The following PTTG1IP2 variants were observed in gnomAD, a reference collection of about 807,000 sequenced individuals.
The protein encoded by PTTG1IP2 is PTTG1IP family member 2.
chr7:90,502,281 G>C (rs963509741), intron 6 of PTTG1IP2, among the ~76,000 whole-genome samples: 1 of 152,200 alleles, frequency 6.6e-6, no homozygotes, highest in African/African-American at 2.4e-5. Flanking sequence ...CCAAGTAGCT[G>C]GGATTATAGG....
intron 2 of PTTG1IP2, among the ~76,000 whole-genome samples, chr7:90,486,377 T>C (rs2116072525): frequency 1.2e-5 from 1 of 86,410 alleles, no homozygotes; most frequent in South Asian, 3.4e-4. Context: ...ATGAAGTGAG[T>C]GGATATATAT....
At chr7:90,497,038 G>T (rs545329582) in intron 6 of PTTG1IP2, among the ~76,000 whole-genome samples, 76 of 152,120 alleles carry the variant, frequency 5.0e-4, no homozygotes, top group African/African-American at 1.7e-3. Context: ...ATATCATCAC[G>T]GTCAGAAAAG....
At chr7:90,508,577 C>G (rs1426600388) in intron 6 of PTTG1IP2, among the ~76,000 whole-genome samples, 1 of 152,170 alleles carries the variant, frequency 6.6e-6, no homozygotes, top group Non-Finnish European at 1.5e-5. Flanking sequence ...CTGCTATTCA[C>G]TTACAGTATA....
intron 6 of PTTG1IP2, among the ~76,000 whole-genome samples, chr7:90,500,509 T>C (rs781077828): frequency 6.6e-6 from 1 of 152,102 alleles, no homozygotes; most frequent in South Asian, 2.1e-4. Context: ...AGAACTAGGC[T>C]CCAACGCAGA....
intron 1 of PTTG1IP2, among the ~76,000 whole-genome samples, chr7:90,478,070 C>A (rs1337646497): frequency 2.3e-4 from 30 of 131,512 alleles, no homozygotes; most frequent in African/African-American, 8.4e-4. Context: ...GCATTCCAGC[C>A]TGGGTGACAG....
rs1001780331 is a variant in PTTG1IP2, at chr7:90,491,587, C to T, written c.381-652C>T. Among the ~76,000 whole-genome samples, 11 of 150,790 alleles carry T rather than the reference C, an allele frequency of 7.3e-5. No individual in the cohort carries two copies. In the East Asian group the frequency reaches 2.2e-3, roughly 30 times the overall value. On this transcript the variant is annotated intron_variant, in intron 4 of 6. Coordinates refer to ENST00000509356, the MANE Select transcript of PTTG1IP2 (RefSeq NM_001365443.2). ...GCAGTGAGCTGAGATCACACCACTG[C>T]ACCCCAGCCCGGGTGACATAGCGAG...
In PTTG1IP2 at chr7:90,494,954, G is replaced by C. The variant is rs367969158; in HGVS notation, c.*50+524G>C. Among the ~76,000 whole-genome samples the C allele has an allele frequency of 2.6e-4, 40 of 152,242 alleles. No homozygotes were observed. In the East Asian group the frequency reaches 3.1e-3, roughly 12 times the overall value. ...GAGCTCAAGAGTTGGAGGCTGTAGT[G>C]AGTTATGATTGCGCTACTGCATTTC... On this transcript the variant is annotated intron_variant, in intron 6 of 6. Coordinates refer to ENST00000509356, the MANE Select transcript of PTTG1IP2 (RefSeq NM_001365443.2).
intron 2 of PTTG1IP2, among the ~76,000 whole-genome samples, chr7:90,485,507 G>T (rs1045348299): frequency 2.0e-5 from 3 of 152,114 alleles, no homozygotes; most frequent in Non-Finnish European, 4.4e-5. Flanking sequence ...GAGAAAGCCG[G>T]ATAACAACAG....
chr7:90,511,071 A>G (rs1798184558), intron 6 of PTTG1IP2, among the ~76,000 whole-genome samples: 1 of 145,198 alleles, frequency 6.9e-6, no homozygotes, highest in Non-Finnish European at 1.5e-5. Context: ...GAGGGCAAGG[A>G]CAGTATTTTT....
At chr7:90,492,147 TAAAA>T (rs1010024487) in intron 4 of PTTG1IP2, 88 bp from the exon 5 acceptor site, 1 of 151,870 alleles carries the variant, frequency 6.6e-6, no homozygotes, top group African/African-American at 2.4e-5. Context: ...AATAAAAAAA[TAAAA>T]AAAGTAGTCT....
intron 6 of PTTG1IP2, among the ~76,000 whole-genome samples, chr7:90,501,612 G>A (rs1798062253): frequency 6.6e-6 from 1 of 152,198 alleles, no homozygotes; most frequent in South Asian, 2.1e-4. Flanking sequence ...TGAGGCTGCA[G>A]TGAGCTCTGA....
intron 1 of PTTG1IP2, among the ~76,000 whole-genome samples, chr7:90,475,910 C>A: frequency 6.7e-6 from 1 of 148,882 alleles, no homozygotes. Flanking sequence ...CACTGCACTC[C>A]AGCTTGGTGA....
intron 6 of PTTG1IP2, among the ~76,000 whole-genome samples, chr7:90,505,658 C>A (rs978521892): frequency 6.6e-6 from 1 of 152,078 alleles, no homozygotes; most frequent in Admixed American, 6.6e-5. Context: ...ATGATTGTTG[C>A]CTGAAATGTC....
At chr7:90,498,058 C>T (rs1220923717) in intron 6 of PTTG1IP2, among the ~76,000 whole-genome samples, 1 of 151,630 alleles carries the variant, frequency 6.6e-6, no homozygotes, top group African/African-American at 2.4e-5. Context: ...TGGAGTCTCG[C>T]TCTGTTGCCC....
chr7:90,510,520 C>T (rs1798176208), intron 6 of PTTG1IP2, among the ~76,000 whole-genome samples: 1 of 152,064 alleles, frequency 6.6e-6, no homozygotes, highest in African/African-American at 2.4e-5. Flanking sequence ...TGTGTGCACG[C>T]ACATGCATGC....
chr7:90,498,811 C>T (rs1387687896), intron 6 of PTTG1IP2, among the ~76,000 whole-genome samples: 2 of 152,060 alleles, frequency 1.3e-5, no homozygotes, highest in Admixed American at 6.6e-5. Flanking sequence ...AACTTCTCTC[C>T]ACCTCTTATT....
chr7:90,470,516 C>T (rs1324796181), intron 1 of PTTG1IP2, among the ~76,000 whole-genome samples: 2 of 152,152 alleles, frequency 1.3e-5, no homozygotes. Flanking sequence ...GGAAAGTGCC[C>T]TGTAAAGCCA....
chr7:90,510,098 G>A lies in PTTG1IP2; in HGVS notation c.*51-3180G>A, dbSNP rs550078068. ...AGCATCATGTAGAGATGTCATCTGA[G>A]CAATGAATGTCCAGGCTCAGTGGGA... On this transcript the variant is annotated intron_variant, in intron 6 of 6. Coordinates refer to ENST00000509356, the MANE Select transcript of PTTG1IP2 (RefSeq NM_001365443.2). Among the ~76,000 whole-genome samples the A allele has an allele frequency of 1.4e-3, 207 of 152,276 alleles. 4 individuals carry two copies. The highest frequency in any genetic ancestry group is 7.8e-4 in the Non-Finnish European group (53 of 68,012).
intron 6 of PTTG1IP2, among the ~76,000 whole-genome samples, chr7:90,501,846 G>A (rs181947935): frequency 9.2e-5 from 14 of 152,214 alleles, no homozygotes; most frequent in Admixed American, 4.6e-4. Context: ...CACATGATTC[G>A]TTCTTCCTTT....
Sources: gnomAD v4.1 joint callset for allele counts (sites outside exome capture counted in the v4.1 genomes callset) on GRCh38, gnomAD v4.1.1 for gene constraint, MANE v1.5 for transcripts, NCBI Gene and HGNC (gene_info 2026-07-23, HGNC 2026-07-21) for gene names.